DENND1A: variants seen among roughly 807,000 people sequenced by gnomAD.
The protein encoded by DENND1A is DENN domain containing 1A, also known as DENN domain-containing protein 1A.
DENND1A carries 51 observed loss-of-function variants against 113.7 expected under a neutral mutation model. The observed-to-expected ratio is 0.45, with a 90% CI of 0.36 to 0.57. The LOEUF is 0.57. Ranked by LOEUF, DENND1A falls within the 20% of genes least tolerant of loss-of-function variation. DENND1A has a pLI of 0.00. For missense variants in DENND1A, 1,258 were observed against 1,395.9 expected (o/e 0.90, Z 1.57); for synonymous variants, 565 against 570.8 (o/e 0.99, Z 0.14).
At chr9:123,761,926 A>T (rs1280289012) in intron 4 of DENND1A, among the ~76,000 whole-genome samples, 1 of 152,176 alleles carries the variant, frequency 6.6e-6, no homozygotes, top group Non-Finnish European at 1.5e-5. Flanking sequence ...AGCATCCATA[A>T]TTTCCAAAGG....
intron 17 of DENND1A, 31 bp downstream of exon 17, chr9:123,452,245 T>C (rs1270233162): frequency 1.2e-6 from 2 of 1,601,576 alleles, no homozygotes; most frequent in East Asian, 4.5e-5. Context: ...ACTGATCTGT[T>C]TTGGCTCCTG....
chr9:123,801,787 T>A (rs978169133), intron 2 of DENND1A, among the ~76,000 whole-genome samples: 1 of 152,208 alleles, frequency 6.6e-6, no homozygotes, highest in Non-Finnish European at 1.5e-5. Context: ...CCCAGCCAAT[T>A]TCATATCTGT....
intron 19 of DENND1A, among the ~76,000 whole-genome samples, chr9:123,431,444 A>C (rs1179832670): frequency 6.6e-6 from 1 of 152,164 alleles, no homozygotes; most frequent in East Asian, 1.9e-4. Context: ...CCCTCCTGGG[A>C]TCCTGAGCCA....
At chr9:123,527,016 C>A (rs2054903587) in intron 13 of DENND1A, among the ~76,000 whole-genome samples, 1 of 152,232 alleles carries the variant, frequency 6.6e-6, no homozygotes, top group Non-Finnish European at 1.5e-5. Context: ...TCTTCCCTCC[C>A]AAACTGGTTC....
At chr9:123,747,640 TAAG>T (rs1173254871) in intron 5 of DENND1A, among the ~76,000 whole-genome samples, 1 of 152,168 alleles carries the variant, frequency 6.6e-6, no homozygotes, top group Non-Finnish European at 1.5e-5. Flanking sequence ...AAAAATTCCA[TAAG>T]TTTACGTAAA....
chr9:123,511,678 G>A (rs914365216), intron 13 of DENND1A, among the ~76,000 whole-genome samples: 7 of 152,326 alleles, frequency 4.6e-5, no homozygotes, highest in Admixed American at 1.3e-4. Context: ...TGAAAAACGT[G>A]ACTGATGCTA....
At chr9:123,811,708 G>A (rs1278611859) in intron 2 of DENND1A, among the ~76,000 whole-genome samples, 1 of 152,186 alleles carries the variant, frequency 6.6e-6, no homozygotes, top group Non-Finnish European at 1.5e-5. Flanking sequence ...GCAGTGAGCG[G>A]AGATCGCACC....
intron 2 of DENND1A, among the ~76,000 whole-genome samples, chr9:123,853,806 G>A (rs1424235467): frequency 6.6e-6 from 1 of 152,072 alleles, no homozygotes; most frequent in Non-Finnish European, 1.5e-5. Flanking sequence ...AGCACTCCAG[G>A]GCAATACTTA....
At chr9:123,748,219 AC>A (rs533330927) in intron 5 of DENND1A, among the ~76,000 whole-genome samples, 56 of 152,334 alleles carry the variant, frequency 3.7e-4, no homozygotes, top group South Asian at 8.3e-4. Context: ...AAAGCTAGAT[AC>A]AAAGTTATAC....
At chr9:123,577,944 T>G (rs746207172) in intron 12 of DENND1A, among the ~76,000 whole-genome samples, 4 of 152,246 alleles carry the variant, frequency 2.6e-5, no homozygotes, top group Non-Finnish European at 5.9e-5. Flanking sequence ...TTGTCCTGAA[T>G]GACCAACAAG....
intron 11 of DENND1A, among the ~76,000 whole-genome samples, chr9:123,600,343 T>G (rs2059888017): frequency 6.6e-6 from 1 of 152,174 alleles, no homozygotes; most frequent in African/African-American, 2.4e-5. Flanking sequence ...TGTACCTTCT[T>G]ATTTACTCCT....
At chr9:123,765,182 T>C (rs530832953) in intron 4 of DENND1A, among the ~76,000 whole-genome samples, 62 of 152,328 alleles carry the variant, frequency 4.1e-4, no homozygotes, top group Middle Eastern at 3.4e-3. Flanking sequence ...AGGCTACTTA[T>C]GCTGTGATGG....
At chr9:123,483,021 T>C (rs972766867) in intron 13 of DENND1A, among the ~76,000 whole-genome samples, 4 of 152,198 alleles carry the variant, frequency 2.6e-5, no homozygotes, top group African/African-American at 9.7e-5. Context: ...ATCATTCTGA[T>C]CTCAGTGAGG....
chr9:123,407,489 C>A (rs1257649001), intron 20 of DENND1A, among the ~76,000 whole-genome samples: 1 of 152,190 alleles, frequency 6.6e-6, no homozygotes, highest in Non-Finnish European at 1.5e-5. Flanking sequence ...CAGACCACAA[C>A]CAGGCACAGA....
intron 1 of DENND1A, among the ~76,000 whole-genome samples, chr9:123,892,506 T>C (rs1223517358): frequency 6.6e-6 from 1 of 152,124 alleles, no homozygotes; most frequent in Non-Finnish European, 1.5e-5. Context: ...AAGAAAGAAG[T>C]GAGCCTATGA....
chr9:123,835,554 A>C (rs1041097360), intron 2 of DENND1A, among the ~76,000 whole-genome samples: 5 of 152,034 alleles, frequency 3.3e-5, no homozygotes, highest in African/African-American at 1.2e-4. Flanking sequence ...TTCAAAAATC[A>C]AAGGATCCTT....
rs58452320 is a variant in DENND1A, at chr9:123,552,039, C to CAGAGAGAGAGAGAGAGAG, written c.993+5513_993+5530dup. 4.3e-3 allele frequency among the ~76,000 whole-genome samples: 550 copies of CAGAGAGAGAGAGAGAGAG among 128,386 alleles called. 5 individuals carry two copies. The highest frequency in any genetic ancestry group is 6.3e-3 in the South Asian group (24 of 3,814). 84.2% of individuals were successfully genotyped at this position (128,386 alleles called of 152,430 possible). A position where few individuals can be genotyped will look rare whatever the true frequency, so the allele number is the denominator to read the frequency against. ...AGAGCGAGAGAGAGAGAGAGAGAGA[C>CAGAGAGAGAGAGAGAGAG]AGAGAGAGAGAGAGAGAGAGAGAGA... On this transcript the variant is annotated intron_variant, in intron 13 of 23. Transcript: ENST00000394215.
In DENND1A at chr9:123,794,014, C is replaced by T. The variant is rs2032034; in HGVS notation, c.89-1384G>A. ...GAAGGAATCAATGATGTGCCTAGAC[C>T]GACTAGAGAACTCTGGAGTAATGCC... On this transcript the variant is annotated intron_variant, in intron 2 of 23. Coordinates refer to ENST00000394215, the MANE Select transcript of DENND1A (RefSeq NM_001352964.2). Among the ~76,000 whole-genome samples, 1,074 of 152,280 alleles carry T rather than the reference C, an allele frequency of 7.1e-3. 7 individuals are homozygous for T. The highest frequency in any genetic ancestry group is 0.024 in the African/African-American group (1,001 of 41,538).
intron 12 of DENND1A, among the ~76,000 whole-genome samples, chr9:123,575,515 T>C (rs142424804): frequency 6.6e-6 from 1 of 152,184 alleles, no homozygotes; most frequent in Admixed American, 6.5e-5. Flanking sequence ...ACCACAGAAG[T>C]GAAATATCCT....
Sources: allele counts gnomAD v4.1 joint callset (sites outside exome capture counted in the v4.1 genomes callset), GRCh38; gene constraint gnomAD v4.1.1; transcripts MANE v1.5; gene names NCBI Gene and HGNC (gene_info 2026-07-23, HGNC 2026-07-21).